RBFOX3: variants seen among roughly 807,000 people sequenced by gnomAD.
RBFOX3 encodes RNA binding protein fox-1 homolog 3.
A neutral mutation model predicts 48.7 loss-of-function variants in RBFOX3; 17 were observed. The ratio of observed to expected loss-of-function variants is 0.35; its 90% CI spans 0.24 to 0.52. The LOEUF is 0.52. Among genes scored for constraint, RBFOX3 ranks in the 20% least tolerant of loss-of-function variants. RBFOX3 has a pLI of 0.94. For synonymous variants in RBFOX3, 212 were observed against 209.5 expected (o/e 1.01, Z -0.10); for missense variants, 382 against 497.5 (o/e 0.77, Z 2.21).
At chr17:79,091,039 G>A (rs1303616937) in intron 14 of RBFOX3, among the ~76,000 whole-genome samples, 154 bp from the exon 15 acceptor site, 1 of 152,208 alleles carries the variant, frequency 6.6e-6, no homozygotes, top group Non-Finnish European at 1.5e-5. Flanking sequence ...ATCTTCCAGG[G>A]CTGAGTGTGG....
intron 2 of RBFOX3, among the ~76,000 whole-genome samples, chr17:79,357,041 G>A (rs1179756468): frequency 1.3e-5 from 2 of 152,214 alleles, no homozygotes; most frequent in African/African-American, 4.8e-5. Context: ...CAACTGGGGA[G>A]CCGGTGCCCT....
chr17:79,121,876 C>T lies in RBFOX3; in HGVS notation c.-33-6128G>A, dbSNP rs144639128. On this transcript the variant is annotated intron_variant, in intron 4 of 14. Coordinates refer to ENST00000693108, the MANE Select transcript of RBFOX3 (RefSeq NM_001350451.2). ...AAAAAACATCTGTATGTTGACAATCCCAAAGTTTTATCTCCATCCTGGACT... is the reference window on the plus strand; with the variant it reads ...AAAAAACATCTGTATGTTGACAATCTCAAAGTTTTATCTCCATCCTGGACT... 2.4e-3 allele frequency among the ~76,000 whole-genome samples: 362 copies of T among 152,200 alleles called. 3 individuals carry two copies. Among genetic ancestry groups the T allele is most frequent in the African/African-American group, 8.1e-3 (337 of 41,514 alleles).
chr17:79,536,190 C>T (rs1555788673), intron 1 of RBFOX3, among the ~76,000 whole-genome samples: 3 of 152,208 alleles, frequency 2.0e-5, no homozygotes, highest in Non-Finnish European at 4.4e-5. Context: ...GATTCTCCTG[C>T]CTCAGCCTCC....
intron 3 of RBFOX3, among the ~76,000 whole-genome samples, chr17:79,245,876 C>A (rs1206203803): frequency 2.6e-5 from 4 of 152,142 alleles, no homozygotes; most frequent in Non-Finnish European, 5.9e-5. Flanking sequence ...ATCCACTCAC[C>A]TTGACCTCCA....
At chr17:79,577,110 C>T (rs975993834) in intron 1 of RBFOX3, among the ~76,000 whole-genome samples, 10 of 152,194 alleles carry the variant, frequency 6.6e-5, no homozygotes, top group Non-Finnish European at 1.3e-4. Context: ...AGACCCCCAT[C>T]CCAGCCTTGC....
chr17:79,184,648 A>C (rs947842583), intron 4 of RBFOX3, among the ~76,000 whole-genome samples: 1 of 152,194 alleles, frequency 6.6e-6, no homozygotes, highest in Non-Finnish European at 1.5e-5. Context: ...GCTCATGCCT[A>C]ACCTCACGCC....
intron 2 of RBFOX3, among the ~76,000 whole-genome samples, chr17:79,454,853 C>T (rs2074200228): frequency 6.6e-6 from 1 of 152,172 alleles, no homozygotes. Flanking sequence ...GTGATGGGCC[C>T]ACTCCCATTG....
At chr17:79,140,270 T>C (rs1356694717) in intron 4 of RBFOX3, among the ~76,000 whole-genome samples, 1 of 152,216 alleles carries the variant, frequency 6.6e-6, no homozygotes, top group East Asian at 1.9e-4. Context: ...GCAGCTCAAG[T>C]ATAACAGCTC....
chr17:79,320,936 G>A (rs749581089), intron 2 of RBFOX3, among the ~76,000 whole-genome samples: 2 of 152,144 alleles, frequency 1.3e-5, no homozygotes, highest in Non-Finnish European at 2.9e-5. Context: ...TTCAGAGTCC[G>A]GCACATTCTG....
At position 79,309,892 on chromosome 17, in the gene RBFOX3, C is replaced by T. The variant is rs73413604; in HGVS notation, c.-174-2068G>A. Among the ~76,000 whole-genome samples the T allele has an allele frequency of 2.0e-3, 302 of 152,310 alleles. 3 individuals are homozygous for T. Among genetic ancestry groups the T allele is most frequent in the African/African-American group, 6.8e-3 (282 of 41,566 alleles). The stretch of plus-strand genomic sequence containing the variant: ...TTGTAAGTTCCCCAGACATGAGGAA[C>T]GGTGAGTCAGTGAAAGCTCTTTCCT... On this transcript the variant is annotated intron_variant, in intron 2 of 14. Coordinates refer to ENST00000693108, the MANE Select transcript of RBFOX3 (RefSeq NM_001350451.2).
intron 1 of RBFOX3, among the ~76,000 whole-genome samples, chr17:79,579,445 G>T (rs2092972719): frequency 6.6e-6 from 1 of 152,228 alleles, no homozygotes; most frequent in Non-Finnish European, 1.5e-5. Context: ...TACTCAGGAA[G>T]ATTCTGTCTT....
intron 4 of RBFOX3, among the ~76,000 whole-genome samples, chr17:79,138,959 CAT>C (rs1279551470): frequency 7.3e-6 from 1 of 136,960 alleles, no homozygotes; most frequent in African/African-American, 2.7e-5. Flanking sequence ...CAGCCCCACA[CAT>C]GCACACAGCA....
intron 2 of RBFOX3, among the ~76,000 whole-genome samples, chr17:79,375,321 CCTCT>C (rs1568135610): frequency 1.3e-5 from 2 of 149,396 alleles, no homozygotes; most frequent in Non-Finnish European, 3.0e-5. Context: ...CAGGGCCCTC[CCTCT>C]AAGAAGCTGC....
At chr17:79,507,194 T>C (rs1234762706) in intron 1 of RBFOX3, among the ~76,000 whole-genome samples, 1 of 152,048 alleles carries the variant, frequency 6.6e-6, no homozygotes, top group Non-Finnish European at 1.5e-5. Flanking sequence ...CCCGCCTGCT[T>C]CTTATCAGAC....
intron 1 of RBFOX3, among the ~76,000 whole-genome samples, chr17:79,493,870 G>A (rs753828440): frequency 0.01 from 1,545 of 152,244 alleles, 12 homozygotes; most frequent in Non-Finnish European, 0.014. Context: ...CACCCGCCGC[G>A]GCAGTAGGGC....
chr17:79,113,642 A>G (rs527911874), intron 5 of RBFOX3, among the ~76,000 whole-genome samples: 1 of 152,218 alleles, frequency 6.6e-6, no homozygotes, highest in African/African-American at 2.4e-5. Flanking sequence ...AGAGTACTTC[A>G]TTGGATGCAG....
At chr17:79,403,507 G>A (rs979693895) in intron 2 of RBFOX3, among the ~76,000 whole-genome samples, 12 of 152,196 alleles carry the variant, frequency 7.9e-5, no homozygotes, top group Non-Finnish European at 1.3e-4. Flanking sequence ...GCCCCACCAT[G>A]GACTTCCACC....
intron 3 of RBFOX3, among the ~76,000 whole-genome samples, chr17:79,259,789 G>A (rs1290468377): frequency 6.6e-6 from 1 of 152,168 alleles, no homozygotes; most frequent in African/African-American, 2.4e-5. Context: ...GGTCACAGTA[G>A]CCGCAGGGGC....
At chr17:79,351,840 T>C (rs1250048731) in intron 2 of RBFOX3, among the ~76,000 whole-genome samples, 5 of 152,216 alleles carry the variant, frequency 3.3e-5, no homozygotes, top group Non-Finnish European at 7.3e-5. Flanking sequence ...TTTGAGGAAG[T>C]ACAATTTTTC....
Sources: gnomAD v4.1 joint callset for allele counts (sites outside exome capture counted in the v4.1 genomes callset) on GRCh38, gnomAD v4.1.1 for gene constraint, MANE v1.5 for transcripts, NCBI Gene and HGNC (gene_info 2026-07-23, HGNC 2026-07-21) for gene names.